Variants in VPS13B observed in about 807,000 individuals in gnomAD.
VPS13B encodes intermembrane lipid transfer protein VPS13B.
In VPS13B, 285 loss-of-function variants were observed where a neutral mutation model predicts 426.4. The ratio of observed to expected loss-of-function variants is 0.67; its 90% confidence interval spans 0.61 to 0.74. The LOEUF (loss-of-function observed/expected upper bound fraction) is 0.74. VPS13B is among the 30% of genes least tolerant of loss of function. VPS13B has a pLI of 0.00. For synonymous variants in VPS13B, 1,676 were observed against 1,676.4 expected (o/e 1.00, Z 0.01); for missense variants, 4,537 against 4,782.6 (o/e 0.95, Z 1.51).
chr8:99,406,191 T>A (rs1815319705), intron 21 of VPS13B, among the ~76,000 whole-genome samples: 1 of 151,968 alleles, frequency 6.6e-6, no homozygotes. Context: ...CCCCTTTCTA[T>A]CCTTAGAACA....
chr8:99,163,521 CT>C (rs1209558582), intron 15 of VPS13B, among the ~76,000 whole-genome samples: 2 of 152,238 alleles, frequency 1.3e-5, no homozygotes, highest in African/African-American at 2.4e-5. Flanking sequence ...GCATGGCAGG[CT>C]GCAGGTCCCG....
chr8:99,318,864 G>A (rs997887060), intron 19 of VPS13B, among the ~76,000 whole-genome samples: 1 of 152,012 alleles, frequency 6.6e-6, no homozygotes, highest in Non-Finnish European at 1.5e-5. Flanking sequence ...TACTGAGATT[G>A]TTCAGGTGTG....
chr8:99,418,012 A>G (rs1019684846), intron 21 of VPS13B, among the ~76,000 whole-genome samples: 1 of 152,150 alleles, frequency 6.6e-6, no homozygotes, highest in Non-Finnish European at 1.5e-5. Flanking sequence ...GGAAACTTTT[A>G]TTTAAATATA....
chr8:99,622,952 T>C (rs1828431677), intron 33 of VPS13B, among the ~76,000 whole-genome samples: 1 of 152,220 alleles, frequency 6.6e-6, no homozygotes, highest in Non-Finnish European at 1.5e-5. Context: ...GGTAGCCTCA[T>C]AATTCATCTC....
chr8:99,776,828 C>G lies in VPS13B; in HGVS notation c.7301C>G (p.Thr2434Arg), dbSNP rs1811763988. The G allele has an allele frequency of 1.2e-6, 2 of 1,614,056 alleles. No homozygotes were observed. The highest frequency in any genetic ancestry group is 1.7e-6 in the Non-Finnish European group (2 of 1,179,954). Residue 2434 changes from threonine to arginine, a missense_variant, in exon 41 of 62, where the codon ACA becomes AGA. By Grantham distance (71) the Thr-to-Arg change is moderately conservative. Around this residue, in one of 2 missense-constraint regions of VPS13B, gnomAD observed 4,311 missense variants for 4,474.3 expected, o/e 0.96. Coordinates refer to ENST00000357162, the MANE Select transcript of VPS13B (RefSeq NM_152564.5). The stretch of plus-strand genomic sequence containing the variant: ...ACTTGTGATCCACTTGTGACTCCAA[C>G]AGCCCTGGCTGCCTGTACCAGAGTT... The part of the protein sequence containing the change: ...QSTCDPLVTP[T>R]ALAACTRVDS...
At chr8:99,735,391 C>A (rs750068137) in intron 39 of VPS13B, among the ~76,000 whole-genome samples, 1 of 152,072 alleles carries the variant, frequency 6.6e-6, no homozygotes, top group Non-Finnish European at 1.5e-5. Flanking sequence ...TGTAATCCAA[C>A]AAGCAGTATC....
At chr8:99,602,462 G>T (rs1563819234) in intron 33 of VPS13B, among the ~76,000 whole-genome samples, 1 of 152,064 alleles carries the variant, frequency 6.6e-6, no homozygotes, top group Non-Finnish European at 1.5e-5. Context: ...GCTTAGGATT[G>T]TCTTGGCTAT....
chr8:99,736,217 G>T (rs139664779), intron 39 of VPS13B, among the ~76,000 whole-genome samples: 41 of 152,254 alleles, frequency 2.7e-4, no homozygotes, highest in African/African-American at 9.4e-4. Flanking sequence ...TTTAGGAGGG[G>T]TTATAGGTAG....
intron 21 of VPS13B, among the ~76,000 whole-genome samples, chr8:99,425,255 C>T (rs199917894): frequency 6.6e-6 from 1 of 151,750 alleles, no homozygotes; most frequent in Non-Finnish European, 1.5e-5. Context: ...TGGCAGAGAC[C>T]CAACAAAAAA....
At chr8:99,136,580 A>C in intron 11 of VPS13B, 85 bp from the exon 12 acceptor site, 1 of 1,286,174 alleles carries the variant, frequency 7.8e-7, no homozygotes, top group East Asian at 2.3e-5. Flanking sequence ...ATTCTATATA[A>C]AGATATGTGT....
intron 44 of VPS13B, among the ~76,000 whole-genome samples, chr8:99,815,440 C>T (rs1466465970): frequency 1.3e-5 from 2 of 152,080 alleles, no homozygotes; most frequent in African/African-American, 2.4e-5. Flanking sequence ...CCTTTTCCTT[C>T]GATTGGGTCT....
intron 35 of VPS13B, among the ~76,000 whole-genome samples, chr8:99,677,160 G>A (rs943281456): frequency 2.6e-5 from 4 of 152,144 alleles, no homozygotes; most frequent in African/African-American, 9.7e-5. Flanking sequence ...ATTTATTTCT[G>A]TTCATCTTAC....
intron 19 of VPS13B, among the ~76,000 whole-genome samples, chr8:99,359,466 A>G (rs957358268): frequency 7.2e-5 from 11 of 152,184 alleles, no homozygotes; most frequent in African/African-American, 2.7e-4. Flanking sequence ...CATAAAGGCT[A>G]AGAATCGTAA....
At chr8:99,431,252 T>C (rs1817095185) in intron 21 of VPS13B, among the ~76,000 whole-genome samples, 1 of 152,192 alleles carries the variant, frequency 6.6e-6, no homozygotes, top group South Asian at 2.1e-4. Flanking sequence ...TTGCATGTAA[T>C]TAATAAATAG....
chr8:99,097,233 A>G (rs1846475753), intron 4 of VPS13B, among the ~76,000 whole-genome samples: 1 of 152,176 alleles, frequency 6.6e-6, no homozygotes, highest in African/African-American at 2.4e-5. Flanking sequence ...TCTTAAATGG[A>G]TTATGCTTCA....
intron 30 of VPS13B, among the ~76,000 whole-genome samples, chr8:99,540,301 G>A (rs1462697073): frequency 2.7e-5 from 4 of 150,646 alleles, no homozygotes; most frequent in East Asian, 3.9e-4. Context: ...GGATGGTCTC[G>A]ATCTCCTGAC....
At chr8:99,383,440 C>A (rs777829609) in intron 19 of VPS13B, among the ~76,000 whole-genome samples, 9 of 151,940 alleles carry the variant, frequency 5.9e-5, no homozygotes, top group Non-Finnish European at 1.3e-4. Context: ...AAAAGTTGAG[C>A]TTATTATTAT....
intron 19 of VPS13B, among the ~76,000 whole-genome samples, chr8:99,370,979 A>G (rs1472242941): frequency 6.6e-6 from 1 of 152,218 alleles, no homozygotes; most frequent in Non-Finnish European, 1.5e-5. Flanking sequence ...TATGGAAAGC[A>G]GAAGAAAAAT....
chr8:99,068,754 G>A (rs1563519439), intron 3 of VPS13B, among the ~76,000 whole-genome samples: 3 of 152,206 alleles, frequency 2.0e-5, no homozygotes, highest in Admixed American at 2.0e-4. Flanking sequence ...TAAATCTCAT[G>A]AGAACTCACT....
Sources: allele counts gnomAD v4.1 joint callset (sites outside exome capture counted in the v4.1 genomes callset), GRCh38; gene constraint gnomAD v4.1.1; regional missense constraint gnomAD v4.1.1; transcripts MANE v1.5; gene names NCBI Gene and HGNC (gene_info 2026-07-23, HGNC 2026-07-21).